Variants in CNTNAP4 observed in about 807,000 individuals in gnomAD.
The protein encoded by CNTNAP4 is contactin-associated protein-like 4.
In CNTNAP4, 98 loss-of-function variants were observed where a neutral mutation model predicts 148.4. The observed-to-expected ratio is 0.66, with a 90% confidence interval of 0.56 to 0.78. CNTNAP4 has a LOEUF of 0.78. Ranked by LOEUF, CNTNAP4 falls within the 30% of genes least tolerant of loss-of-function variation. The pLI is 0.00. For synonymous variants in CNTNAP4, 730 were observed against 565.1 expected, an observed-to-expected ratio of 1.29 and a Z score of -4.14; for missense variants, 1,935 against 1,565.6, an observed-to-expected ratio of 1.24 and a Z score of -3.98.
At chr16:76,522,655 T>C (rs71394265) in intron 17 of CNTNAP4, among the ~76,000 whole-genome samples, 12,345 of 132,484 alleles carry the variant, frequency 0.093, 2,363 homozygotes, top group Non-Finnish European at 0.12. Context: ...CTTTTCTCTC[T>C]TTCTCTCTTT....
chr16:76,499,417 G>A (rs1396156224), intron 15 of CNTNAP4, among the ~76,000 whole-genome samples: 1 of 151,692 alleles, frequency 6.6e-6, no homozygotes, highest in Non-Finnish European at 1.5e-5. Flanking sequence ...GTTAAGAATG[G>A]AAAAGGCCTA....
rs753331568 is a variant in CNTNAP4 at position 76,521,201 on chromosome 16, C to G, written c.2427C>G (p.Phe809Leu). The G allele has an allele frequency of 6.2e-7, 1 of 1,611,532 alleles. No individual in the cohort carries two copies. Among genetic ancestry groups the G allele is most frequent in the South Asian group, 1.1e-5 (1 of 90,476 alleles). Residue 809 changes from phenylalanine (F) to leucine (L), a missense_variant, in exon 16 of 24, where the codon TTC (phenylalanine) becomes TTG (leucine). Phe to Leu is a conservative substitution (Grantham distance 22, BLOSUM62 0). Transcript: ENST00000611870. ...TEASYLHFPT[F>L]HGELSADVSF... ...CTTCATATCTTCATTTTCCTACCTT[C>G]CACGGAGAACTTAGCGCGGATGTAT...
At chr16:76,437,065 G>A (rs943746154) in intron 4 of CNTNAP4, among the ~76,000 whole-genome samples, 2 of 151,810 alleles carry the variant, frequency 1.3e-5, no homozygotes, top group African/African-American at 4.9e-5. Flanking sequence ...AAGCTGAGGA[G>A]CAAGGAAGCT....
chr16:76,376,065 A>G (rs2015381580), intron 3 of CNTNAP4, among the ~76,000 whole-genome samples: 2 of 152,000 alleles, frequency 1.3e-5, no homozygotes, highest in Admixed American at 6.6e-5. Flanking sequence ...GAGAAAGAGG[A>G]GGAGGTGGAG....
chr16:76,533,530 A>G (rs1384777318), intron 17 of CNTNAP4, among the ~76,000 whole-genome samples: 3 of 152,194 alleles, frequency 2.0e-5, no homozygotes, highest in Non-Finnish European at 2.9e-5. Flanking sequence ...TGGTGATGCT[A>G]ACTACTCTGA....
At chr16:76,291,791 A>G (rs936955474) in intron 1 of CNTNAP4, among the ~76,000 whole-genome samples, 3 of 152,194 alleles carry the variant, frequency 2.0e-5, no homozygotes, top group African/African-American at 4.8e-5. Flanking sequence ...TTTATCATCT[A>G]ATTTTAAATT....
chr16:76,323,767 T>C (rs1962680046), intron 2 of CNTNAP4, among the ~76,000 whole-genome samples: 1 of 152,160 alleles, frequency 6.6e-6, no homozygotes, highest in Admixed American at 6.5e-5. Flanking sequence ...CCTTGTCTGC[T>C]CTATGGCCCA....
rs558003628 is a variant in CNTNAP4 at position 76,514,658 on chromosome 16, A to G, written c.2366-6482A>G. Among the ~76,000 whole-genome samples, 150 of 142,546 alleles carry G rather than the reference A, an allele frequency of 1.1e-3. 1 individual carries two copies. The highest frequency in any genetic ancestry group is 1.7e-3 in the Non-Finnish European group (106 of 63,936). The allele number at this position is 142,546 out of a possible 152,430, so 93.5% of individuals were successfully genotyped here. A position where few individuals can be genotyped will look rare whatever the true frequency, so the allele number is the denominator to read the frequency against. Reference sequence around the variant, plus strand: ...TATATTGCTCTGCAAACCACAAGCTATAATTATCTCCAGCCAGATTTTATT... The same window carrying G: ...TATATTGCTCTGCAAACCACAAGCTGTAATTATCTCCAGCCAGATTTTATT... On this transcript the variant is annotated intron_variant, in intron 15 of 23. Transcript: ENST00000611870.
intron 1 of CNTNAP4, among the ~76,000 whole-genome samples, chr16:76,297,617 T>G (rs1004602648): frequency 1.3e-5 from 2 of 152,172 alleles, no homozygotes; most frequent in African/African-American, 4.8e-5. Flanking sequence ...GTTCTCAGGC[T>G]ATGACATAAT....
At chr16:76,328,102 A>G (rs1963172773) in intron 2 of CNTNAP4, among the ~76,000 whole-genome samples, 1 of 152,196 alleles carries the variant, frequency 6.6e-6, no homozygotes, top group African/African-American at 2.4e-5. Context: ...AAGGAAGTAG[A>G]TCATAATTCT....
At chr16:76,491,170 A>G (rs1349756864) in intron 13 of CNTNAP4, among the ~76,000 whole-genome samples, 3 of 151,698 alleles carry the variant, frequency 2.0e-5, no homozygotes, top group Admixed American at 1.3e-4. Flanking sequence ...CCTTTTTTAG[A>G]ATGTTTTCAT....
chr16:76,449,093 C>G, intron 6 of CNTNAP4, 142 bp downstream of exon 6: 1 of 733,732 alleles, frequency 1.4e-6, no homozygotes. Context: ...GTCTAACTCA[C>G]AGTGGCAGCT....
Position 76,438,435 on chromosome 16 carries a change from A to C in CNTNAP4, c.539-9577A>C, listed in dbSNP as rs887812201. ...GAGTTTTACTGAAATGCCACAAGGT[A>C]ATCTGTCACAGGAATAGAGATGTTT... On this transcript the variant is annotated intron_variant, in intron 4 of 23. Transcript: ENST00000611870. Among the ~76,000 whole-genome samples, 5 of 152,174 alleles carry C rather than the reference A, an allele frequency of 3.3e-5. No individual in the cohort carries two copies. The South Asian group carries it at 1.0e-3, about 31-fold the overall frequency.
At chr16:76,410,986 C>G (rs1219468675) in intron 3 of CNTNAP4, among the ~76,000 whole-genome samples, 3 of 151,340 alleles carry the variant, frequency 2.0e-5, no homozygotes, top group African/African-American at 7.3e-5. Flanking sequence ...CATATAGTGT[C>G]TAATGTACAT....
At chr16:76,511,811 C>T (rs932888577) in intron 15 of CNTNAP4, among the ~76,000 whole-genome samples, 7 of 145,922 alleles carry the variant, frequency 4.8e-5, no homozygotes, top group African/African-American at 1.8e-4. Context: ...ATAAAAATAT[C>T]GGTATTCTTG....
rs565177147 is a variant in CNTNAP4, at chr16:76,320,790, G to A, written c.196+4267G>A. Among the ~76,000 whole-genome samples the A allele has an allele frequency of 1.9e-4, 29 of 152,268 alleles. No homozygotes were observed. The South Asian group carries it at 5.2e-3, about 27-fold the overall frequency. On this transcript the variant is annotated intron_variant, in intron 2 of 23. Coordinates refer to ENST00000611870, the MANE Select transcript of CNTNAP4 (RefSeq NM_033401.5). ...TTATAGTGTTATAATCTGAACGTAAGTCTTTATTTTAATGTACTTGGACAA... is the reference window on the plus strand; with the variant it reads ...TTATAGTGTTATAATCTGAACGTAAATCTTTATTTTAATGTACTTGGACAA...
chr16:76,310,141 T>A (rs928554348), intron 1 of CNTNAP4, among the ~76,000 whole-genome samples: 2 of 152,234 alleles, frequency 1.3e-5, no homozygotes, highest in Admixed American at 6.5e-5. Context: ...ATTTGCCATT[T>A]GTGTATTCAG....
intron 3 of CNTNAP4, among the ~76,000 whole-genome samples, chr16:76,367,380 AGG>A (rs1964532832): frequency 6.6e-6 from 1 of 152,176 alleles, no homozygotes; most frequent in East Asian, 1.9e-4. Context: ...TTCTAGGCAA[AGG>A]GAACCAAACC....
intron 21 of CNTNAP4, among the ~76,000 whole-genome samples, chr16:76,548,975 C>G (rs934987460): frequency 6.6e-6 from 1 of 152,118 alleles, no homozygotes; most frequent in African/African-American, 2.4e-5. Flanking sequence ...TCTGGGAGGA[C>G]GGCGGCTGAG....
Sources: allele counts gnomAD v4.1 joint callset (sites outside exome capture counted in the v4.1 genomes callset), GRCh38; gene constraint gnomAD v4.1.1; transcripts MANE v1.5; gene names NCBI Gene and HGNC (gene_info 2026-07-23, HGNC 2026-07-21).